Variants in BRINP1 observed in about 807,000 individuals in gnomAD.
BRINP1 encodes BMP/retinoic acid inducible neural specific 1.
BRINP1 carries 17 observed loss-of-function variants against 72.9 expected under a neutral mutation model. That is an observed-to-expected ratio of 0.23 (90% CI 0.16 to 0.35). The LOEUF is 0.35. Among genes scored for constraint, BRINP1 ranks in the 10% least tolerant of loss-of-function variants. The probability of loss-of-function intolerance (pLI) is 1.00; values close to 1 mark genes in which losing one functional copy is unlikely to be tolerated. For synonymous variants in BRINP1, 418 were observed against 378.5 expected (o/e 1.10, Z -1.21); for missense variants, 850 against 1,001.6 (o/e 0.85, Z 2.04).
chr9:119,206,192 G>A (rs1236964393), intron 7 of BRINP1, among the ~76,000 whole-genome samples: 2 of 151,958 alleles, frequency 1.3e-5, no homozygotes, highest in African/African-American at 4.8e-5. Context: ...GAGGTGGGTG[G>A]ATCACCTGAC....
intron 5 of BRINP1, among the ~76,000 whole-genome samples, chr9:119,215,222 C>T (rs1210868317): frequency 6.6e-6 from 1 of 152,166 alleles, no homozygotes; most frequent in Non-Finnish European, 1.5e-5. Context: ...CTCTGGATTA[C>T]ATCTCATGAT....
At chr9:119,176,243 G>T (rs1829488030) in intron 7 of BRINP1, among the ~76,000 whole-genome samples, 1 of 152,170 alleles carries the variant, frequency 6.6e-6, no homozygotes, top group Non-Finnish European at 1.5e-5. Flanking sequence ...TGTCAAGCGA[G>T]AGTCAAGAGC....
At chr9:119,343,464 A>G (rs1445619942) in intron 1 of BRINP1, among the ~76,000 whole-genome samples, 1 of 151,958 alleles carries the variant, frequency 6.6e-6, no homozygotes, top group Non-Finnish European at 1.5e-5. Flanking sequence ...CTACACTTAC[A>G]TTTCACTTTA....
chr9:119,228,984 A>G (rs1830121820), intron 5 of BRINP1, among the ~76,000 whole-genome samples: 1 of 152,180 alleles, frequency 6.6e-6, no homozygotes, highest in Non-Finnish European at 1.5e-5. Context: ...ATTCATAAAT[A>G]AACTGATCAA....
chr9:119,211,699 A>G (rs1445959986), intron 6 of BRINP1, among the ~76,000 whole-genome samples: 1 of 152,200 alleles, frequency 6.6e-6, no homozygotes, highest in Non-Finnish European at 1.5e-5. Context: ...CTAAAAATGG[A>G]CCAAAGGAAA....
chr9:119,300,186 A>G (rs1830926033), intron 2 of BRINP1, among the ~76,000 whole-genome samples: 1 of 152,108 alleles, frequency 6.6e-6, no homozygotes, highest in East Asian at 1.9e-4. Flanking sequence ...TTTTACCCCT[A>G]CTTGTGTTCT....
At chr9:119,215,789 C>G (rs1166090742) in intron 5 of BRINP1, among the ~76,000 whole-genome samples, 1 of 152,190 alleles carries the variant, frequency 6.6e-6, no homozygotes, top group Non-Finnish European at 1.5e-5. Context: ...CAGGACACCA[C>G]ACGCTGTAGT....
At chr9:119,348,823 A>G (rs1831474562) in intron 1 of BRINP1, among the ~76,000 whole-genome samples, 1 of 152,224 alleles carries the variant, frequency 6.6e-6, no homozygotes, top group Admixed American at 6.5e-5. Flanking sequence ...GGCCTGGTGC[A>G]TAGCATTCAT....
At chr9:119,212,772 G>T (rs1178064436) in intron 6 of BRINP1, among the ~76,000 whole-genome samples, 1 of 152,166 alleles carries the variant, frequency 6.6e-6, no homozygotes, top group Non-Finnish European at 1.5e-5. Context: ...GAAGTCTCAA[G>T]GATTCTCAAG....
intron 1 of BRINP1, among the ~76,000 whole-genome samples, chr9:119,355,390 A>G (rs1831551173): frequency 6.6e-6 from 1 of 152,216 alleles, no homozygotes; most frequent in South Asian, 2.1e-4. Context: ...CATTCTCAAC[A>G]GCATAACTAG....
intron 1 of BRINP1, among the ~76,000 whole-genome samples, chr9:119,318,846 T>G (rs59145172): frequency 0.2 from 5,468 of 27,398 alleles, 181 homozygotes; most frequent in East Asian, 0.46. Context: ...ATGTGTGGGG[T>G]GTGTGTGTGT....
At chr9:119,328,725 T>C (rs1040703902) in intron 1 of BRINP1, among the ~76,000 whole-genome samples, 2 of 152,116 alleles carry the variant, frequency 1.3e-5, no homozygotes, top group Non-Finnish European at 1.5e-5. Context: ...AACAATGTTG[T>C]TGGAGCAAAG....
At chr9:119,263,851 G>A (rs972934696) in intron 2 of BRINP1, among the ~76,000 whole-genome samples, 8 of 151,846 alleles carry the variant, frequency 5.3e-5, no homozygotes, top group South Asian at 2.1e-4. Context: ...CTTGTGATCC[G>A]CCCGCCTCGG....
intron 5 of BRINP1, among the ~76,000 whole-genome samples, chr9:119,218,977 T>C (rs1830010438): frequency 6.6e-6 from 1 of 152,012 alleles, no homozygotes; most frequent in East Asian, 1.9e-4. Flanking sequence ...GTCATGTGGG[T>C]GGTGCCCTTG....
intron 2 of BRINP1, among the ~76,000 whole-genome samples, chr9:119,305,819 G>C (rs937659692): frequency 6.6e-6 from 1 of 152,144 alleles, no homozygotes; most frequent in African/African-American, 2.4e-5. Context: ...CTTGAGGGAA[G>C]GGATCAATGA....
intron 1 of BRINP1, among the ~76,000 whole-genome samples, chr9:119,343,292 A>C (rs954824791): frequency 1.3e-5 from 2 of 152,180 alleles, no homozygotes; most frequent in African/African-American, 4.8e-5. Context: ...TGAAGGGTGA[A>C]TTTTAGAAGA....
intron 2 of BRINP1, among the ~76,000 whole-genome samples, chr9:119,249,976 AGAAG>A (rs1170559723): frequency 4.5e-5 from 5 of 111,962 alleles, no homozygotes; most frequent in African/African-American, 7.0e-5. Context: ...GAGGGAGGGA[AGAAG>A]GAAGGAAGGA....
In BRINP1 at chr9:119,207,884, G is replaced by C. The variant is rs539775212; in HGVS notation, c.1145+835C>G. 5.3e-5 allele frequency among the ~76,000 whole-genome samples: 8 copies of C among 152,264 alleles called. No individual in the cohort carries two copies. The South Asian group carries it at 1.7e-3, about 32-fold the overall frequency. On this transcript the variant is annotated intron_variant, in intron 7 of 7. Transcript: ENST00000265922. The stretch of plus-strand genomic sequence containing the variant: ...CTCTGTCTGAAGCAGGGTGGAGAGA[G>C]AGCCCCAACCTGCCCTTTTGCTGTC...
rs545759695 is a variant in BRINP1 at position 119,345,057 on chromosome 9, G to A, written c.-51+23999C>T. Among the ~76,000 whole-genome samples the A allele has an allele frequency of 5.3e-5, 8 of 152,296 alleles. No individual in the cohort carries two copies. In the East Asian group the frequency reaches 1.5e-3, roughly 29 times the overall value. On this transcript the variant is annotated intron_variant, in intron 1 of 7. Transcript: ENST00000265922. ...GAATGCAGGTAGCATCCAGATGGCA[G>A]CCTAATCTCTGGGAACAAGTGAAAT...
Sources: allele counts gnomAD v4.1 joint callset (sites outside exome capture counted in the v4.1 genomes callset), GRCh38; gene constraint gnomAD v4.1.1; transcripts MANE v1.5; gene names NCBI Gene and HGNC (gene_info 2026-07-23, HGNC 2026-07-21).